The following PREX1 variants were observed in gnomAD, a reference collection of about 807,000 sequenced individuals.
The protein encoded by PREX1 is phosphatidylinositol 3,4,5-trisphosphate-dependent Rac exchanger 1 protein.
In PREX1, 41 loss-of-function variants were observed where a neutral mutation model predicts 198.3. That is an observed-to-expected ratio of 0.21 (90% confidence interval 0.16 to 0.27). The LOEUF (loss-of-function observed/expected upper bound fraction) is 0.27. Ranked by LOEUF, PREX1 falls within the 10% of genes least tolerant of loss-of-function variation. The pLI is 1.00. For missense variants in PREX1, 1,620 were observed against 2,200.7 expected, an observed-to-expected ratio of 0.74 and a Z score of 5.28; for synonymous variants, 843 against 887.2, an observed-to-expected ratio of 0.95 and a Z score of 0.89.
intron 15 of PREX1, among the ~76,000 whole-genome samples, chr20:48,661,556 T>TATACAC (rs1555832871): frequency 7.8e-6 from 1 of 127,888 alleles, no homozygotes; most frequent in South Asian, 2.7e-4. Context: ...TATATATATA[T>TATACAC]ACACACACAC....
the PREX1 span, among the ~76,000 whole-genome samples, chr20:48,836,219 C>T: frequency 6.6e-6 from 1 of 152,106 alleles, no homozygotes; most frequent in Non-Finnish European, 1.5e-5. Context: ...GCAGTCACAT[C>T]CACAATCCTG....
intron 22 of PREX1, 96 bp from the exon 23 acceptor site, chr20:48,651,151 C>T (rs1025955550): frequency 4.8e-6 from 7 of 1,452,492 alleles, no homozygotes; most frequent in Non-Finnish European, 5.6e-6. Flanking sequence ...CGTAATACCC[C>T]CCGGGAAGTC....
chr20:48,717,573 C>T (rs377665251), intron 5 of PREX1, among the ~76,000 whole-genome samples: 110 of 151,986 alleles, frequency 7.2e-4, no homozygotes, highest in Non-Finnish European at 1.0e-3. Flanking sequence ...AAGTGAAGAG[C>T]TCCCCAGCAT....
chr20:48,651,658 G>A, intron 21 of PREX1, 75 bp from the exon 22 acceptor site: 16 of 1,456,728 alleles, frequency 1.1e-5, no homozygotes, highest in Non-Finnish European at 1.5e-5. Flanking sequence ...GGATTCTGGA[G>A]GAAGCCTTCC....
intron 3 of PREX1, among the ~76,000 whole-genome samples, chr20:48,737,970 C>T (rs2090064409): frequency 6.6e-6 from 1 of 152,134 alleles, no homozygotes; most frequent in Non-Finnish European, 1.5e-5. Context: ...TTTGTTTAAG[C>T]CTATCTGAAC....
At position 48,651,526 on chromosome 20, in the gene PREX1, A is replaced by C; in HGVS notation, c.2525T>G (p.Val842Gly). ...RLSLCEDSPM[V>G]TLTVDNVHLE... ...GTGCACGTTGTCCACAGTCAGGGTG[A>C]CCATGGGGCTGTCCTCACACAGGCT... Residue 842 changes from valine (V) to glycine (G), a missense_variant, in exon 22 of 40, where the codon GTC becomes GGC. Transcript: ENST00000371941. The C allele has an allele frequency of 6.2e-7, 1 of 1,614,210 alleles. No homozygotes were observed. The highest frequency in any genetic ancestry group is 8.5e-7 in the Non-Finnish European group (1 of 1,180,038).
At chr20:48,735,692 C>T (rs960789431) in intron 3 of PREX1, among the ~76,000 whole-genome samples, 1 of 151,906 alleles carries the variant, frequency 6.6e-6, no homozygotes, top group Non-Finnish European at 1.5e-5. Context: ...CACTCATTCC[C>T]CACGACAGCC....
chr20:48,758,748 C>G (rs777703947), intron 1 of PREX1, among the ~76,000 whole-genome samples: 10 of 152,184 alleles, frequency 6.6e-5, no homozygotes, highest in Admixed American at 6.5e-4. Context: ...TACAGCATCA[C>G]GGGCAGGGTC....
At chr20:48,847,364 T>TAAAAAAAAAAAAAAAAAAAAAAAAAAAAA in the PREX1 span, among the ~76,000 whole-genome samples, 1 of 77,234 alleles carries the variant, frequency 1.3e-5, no homozygotes, top group Non-Finnish European at 2.6e-5. Flanking sequence ...CCTTCTCTTA[T>TAAAAAAAAAAAAAAAAAAAAAAAAAAAAA]AAAAAAAAAA....
At chr20:48,672,367 A>G (rs2089681242) in intron 14 of PREX1, among the ~76,000 whole-genome samples, 1 of 151,946 alleles carries the variant, frequency 6.6e-6, no homozygotes, top group African/African-American at 2.4e-5. Context: ...TGCCACCCCC[A>G]CCACCCTGTT....
At chr20:48,632,204 C>T in intron 35 of PREX1, 73 bp downstream of exon 35, 4 of 1,445,620 alleles carry the variant, frequency 2.8e-6, no homozygotes, top group Non-Finnish European at 3.9e-6. Context: ...CCGCCTGGCA[C>T]CTTCCATGCT....
intron 15 of PREX1, among the ~76,000 whole-genome samples, chr20:48,662,715 C>T (rs1000757771): frequency 2.6e-5 from 4 of 152,250 alleles, no homozygotes; most frequent in African/African-American, 9.6e-5. Flanking sequence ...GCACCTCACC[C>T]TGTATTTTGC....
chr20:48,675,617 A>C (rs1462310567), intron 14 of PREX1, among the ~76,000 whole-genome samples: 1 of 152,156 alleles, frequency 6.6e-6, no homozygotes. Flanking sequence ...GGACTGGAGG[A>C]GGGGGAGTGG....
intron 1 of PREX1, among the ~76,000 whole-genome samples, chr20:48,806,540 T>C (rs537383295): frequency 8.9e-4 from 135 of 152,322 alleles, no homozygotes; most frequent in African/African-American, 3.2e-3. Flanking sequence ...ACACCATCAC[T>C]CATTTCAGAG....
the PREX1 span, among the ~76,000 whole-genome samples, chr20:48,872,560 A>C: frequency 5.3e-5 from 8 of 152,154 alleles, no homozygotes; most frequent in South Asian, 1.5e-3. Flanking sequence ...CCTGGCTAAC[A>C]TGGTGAAACC....
At chr20:48,808,931 G>A (rs1484100748) in intron 1 of PREX1, among the ~76,000 whole-genome samples, 1 of 152,170 alleles carries the variant, frequency 6.6e-6, no homozygotes, top group Non-Finnish European at 1.5e-5. Flanking sequence ...CTGGATTCAG[G>A]GAAGACAAAA....
intron 5 of PREX1, among the ~76,000 whole-genome samples, chr20:48,717,773 G>C (rs2089968709): frequency 6.6e-6 from 1 of 152,236 alleles, no homozygotes; most frequent in Non-Finnish European, 1.5e-5. Flanking sequence ...CTTCTACTCA[G>C]AGAGGAAAGG....
chr20:48,877,988 A>T, the PREX1 span, among the ~76,000 whole-genome samples: 2 of 152,150 alleles, frequency 1.3e-5, no homozygotes, highest in Non-Finnish European at 2.9e-5. Flanking sequence ...GTATGCCTAT[A>T]ATCCCAGCTA....
intron 16 of PREX1, among the ~76,000 whole-genome samples, chr20:48,659,560 T>G (rs2089574695): frequency 6.6e-6 from 1 of 152,110 alleles, no homozygotes; most frequent in African/African-American, 2.4e-5. Context: ...ACCTAACCTC[T>G]GAGCCTCTGT....
Sources: gnomAD v4.1 joint callset for allele counts (sites outside exome capture counted in the v4.1 genomes callset) on GRCh38, gnomAD v4.1.1 for gene constraint, MANE v1.5 for transcripts, NCBI Gene and HGNC (gene_info 2026-07-23, HGNC 2026-07-21) for gene names.